PTK2: variants seen among roughly 807,000 people sequenced by gnomAD.
PTK2 encodes the protein focal adhesion kinase 1.
PTK2 carries 45 observed loss-of-function variants against 150.1 expected under a neutral mutation model. The ratio of observed to expected loss-of-function variants is 0.30; its 90% CI spans 0.24 to 0.38. PTK2 has a LOEUF of 0.38. PTK2 is among the 10% of genes least tolerant of loss of function. PTK2 has a pLI of 1.00. For missense variants in PTK2, 919 were observed against 1,307.3 expected (o/e 0.70, Z 4.58); for synonymous variants, 432 against 449.2 (o/e 0.96, Z 0.48).
At chr8:140,871,326 T>C (rs552001893) in intron 4 of PTK2, among the ~76,000 whole-genome samples, 2 of 152,350 alleles carry the variant, frequency 1.3e-5, no homozygotes, top group Non-Finnish European at 2.9e-5. Context: ...TGGAAATTTA[T>C]TGACCAAATT....
At chr8:140,752,551 CAT>C (rs370834014) in intron 16 of PTK2, among the ~76,000 whole-genome samples, 24 of 152,332 alleles carry the variant, frequency 1.6e-4, no homozygotes, top group African/African-American at 4.3e-4. Context: ...CATCTACAAA[CAT>C]GTGTTAGAGA....
rs1239007118 is a variant in PTK2, at chr8:140,697,136, GGAAAAA to G, written c.2499+3749_2499+3754del. ...GTGACAGTGTGAGACCCTGTTTCCG[GGAAAAA>G]AAAAAAAAAAAAAAAAAAAAGGAAA... On this transcript the variant is annotated intron_variant, in intron 26 of 31. Coordinates refer to ENST00000522684, the Ensembl canonical transcript of PTK2. 1.8e-3 allele frequency among the ~76,000 whole-genome samples: 79 copies of G among 43,336 alleles called. 1 individual carries two copies. Among genetic ancestry groups the G allele is most frequent in the African/African-American group, 5.8e-3 (66 of 11,316 alleles). The allele number at this position is 43,336 out of a possible 152,430, so 28.4% of individuals were successfully genotyped here.
intron 1 of PTK2, among the ~76,000 whole-genome samples, chr8:140,982,081 A>AAC (rs68097165): frequency 0.4 from 58,298 of 146,404 alleles, 13,573 homozygotes; most frequent in Non-Finnish European, 0.53. Flanking sequence ...AAAAAAAAAA[A>AAC]AATGACTCAG....
chr8:140,914,104 T>C (rs1287453769), intron 2 of PTK2, among the ~76,000 whole-genome samples: 3 of 152,208 alleles, frequency 2.0e-5, no homozygotes, highest in East Asian at 1.9e-4. Flanking sequence ...AATACAAATG[T>C]ATTTTAGTTT....
At chr8:140,955,261 T>C (rs1384027114) in intron 1 of PTK2, among the ~76,000 whole-genome samples, 1 of 152,198 alleles carries the variant, frequency 6.6e-6, no homozygotes, top group Non-Finnish European at 1.5e-5. Flanking sequence ...AACTGAATCA[T>C]GGGGGCAGGT....
At chr8:140,904,132 TG>T (rs1440680930) in intron 2 of PTK2, among the ~76,000 whole-genome samples, 1 of 152,180 alleles carries the variant, frequency 6.6e-6, no homozygotes, top group Admixed American at 6.5e-5. Flanking sequence ...GTATTAGCTG[TG>T]GGTTTGTCAT....
At chr8:140,841,446 AT>A (rs1486932485) in intron 7 of PTK2, among the ~76,000 whole-genome samples, 1 of 152,166 alleles carries the variant, frequency 6.6e-6, no homozygotes, top group Non-Finnish European at 1.5e-5. Context: ...AAAAGAAAAT[AT>A]TTTTAAAATC....
At chr8:140,955,222 T>C (rs2100180825) in intron 1 of PTK2, among the ~76,000 whole-genome samples, 1 of 152,204 alleles carries the variant, frequency 6.6e-6, no homozygotes, top group Admixed American at 6.5e-5. Context: ...ATAATTCCCA[T>C]GTGTTGTGGG....
At chr8:140,850,779 G>A (rs1206484451) in intron 5 of PTK2, among the ~76,000 whole-genome samples, 2 of 152,104 alleles carry the variant, frequency 1.3e-5, no homozygotes, top group African/African-American at 4.8e-5. Context: ...TTCTTTCTTT[G>A]TGCAAGTATT....
At chr8:140,863,712 A>G (rs963042301) in intron 5 of PTK2, among the ~76,000 whole-genome samples, 1 of 152,238 alleles carries the variant, frequency 6.6e-6, no homozygotes, top group African/African-American at 2.4e-5. Flanking sequence ...TCAAACACAA[A>G]GCAACTGATG....
chr8:140,735,504 T>C, intron 21 of PTK2, 49 bp from the exon 25 acceptor site: 2 of 1,575,386 alleles, frequency 1.3e-6, no homozygotes, highest in Non-Finnish European at 1.7e-6. Context: ...ATGAAGAATG[T>C]AACTCCCAGG....
intron 1 of PTK2, among the ~76,000 whole-genome samples, chr8:140,997,240 T>G (rs1038925245): frequency 2.0e-5 from 3 of 152,234 alleles, no homozygotes; most frequent in Admixed American, 6.5e-5. Context: ...AGTTCCTTCT[T>G]AGGGATGAGC....
At chr8:140,916,636 T>C (rs2100165374) in intron 2 of PTK2, among the ~76,000 whole-genome samples, 1 of 152,204 alleles carries the variant, frequency 6.6e-6, no homozygotes, top group Non-Finnish European at 1.5e-5. Context: ...TCATTAAATA[T>C]CTGTGGAATG....
chr8:140,873,872 A>C (rs2100144012), intron 4 of PTK2, among the ~76,000 whole-genome samples: 1 of 152,198 alleles, frequency 6.6e-6, no homozygotes, highest in African/African-American at 2.4e-5. Flanking sequence ...TTCAAAATAT[A>C]TCTTTTGCGG....
At chr8:140,907,577 A>G (rs2154607885) in intron 2 of PTK2, among the ~76,000 whole-genome samples, 1 of 152,244 alleles carries the variant, frequency 6.6e-6, no homozygotes, top group Non-Finnish European at 1.5e-5. Flanking sequence ...CAACAACAAC[A>G]AAAAACAAAG....
chr8:140,856,851 A>AAACT (rs2100132943), intron 5 of PTK2, among the ~76,000 whole-genome samples: 1 of 152,238 alleles, frequency 6.6e-6, no homozygotes. Context: ...CTGACACTTG[A>AAACT]AACTTACTTT....
Position 140,706,107 on chromosome 8 carries a change from T to A in PTK2, c.2229+12A>T, listed in dbSNP as rs774143076. 8 of 1,581,340 alleles carry A rather than the reference T, an allele frequency of 5.1e-6. No individual in the cohort carries two copies. Among genetic ancestry groups the A allele is most frequent in the Non-Finnish European group, 7.0e-6 (8 of 1,150,944 alleles). The stretch of plus-strand genomic sequence containing the variant: ...AAAATAACACAGTTTATATCTGTAA[T>A]GACTGGCATACCTGGTAATGATTGG... On this transcript the variant is annotated intron_variant, in intron 24 of 31. Transcript: ENST00000522684.
intron 16 of PTK2, 78 bp from the exon 20 acceptor site, chr8:140,752,394 G>GT (rs2100063304): frequency 7.6e-7 from 1 of 1,314,368 alleles, no homozygotes; most frequent in African/African-American, 1.5e-5. Flanking sequence ...AAACCTGTCT[G>GT]TTTTGCAACT....
intron 1 of PTK2, among the ~76,000 whole-genome samples, chr8:140,982,587 A>G (rs1417444000): frequency 6.6e-6 from 1 of 152,056 alleles, no homozygotes; most frequent in African/African-American, 2.4e-5. Flanking sequence ...ACTGAGCAAG[A>G]CTCAATCTCC....
Sources: gnomAD v4.1 joint callset for allele counts (sites outside exome capture counted in the v4.1 genomes callset) on GRCh38, gnomAD v4.1.1 for gene constraint, MANE v1.5 for transcripts, NCBI Gene and HGNC (gene_info 2026-07-23, HGNC 2026-07-21) for gene names.